Variants in SFMBT2 observed in about 807,000 individuals in gnomAD.
SFMBT2 encodes Scm like with four mbt domains 2.
A neutral mutation model predicts 110.1 loss-of-function variants in SFMBT2; 38 were observed. The observed-to-expected ratio is 0.35, with a 90% confidence interval of 0.27 to 0.45. The LOEUF is 0.45. Among genes scored for constraint, SFMBT2 ranks in the 20% least tolerant of loss-of-function variants. The pLI is 1.00. For synonymous variants in SFMBT2, 425 were observed against 425.4 expected, an observed-to-expected ratio of 1.00 and a Z score of 0.01; for missense variants, 1,011 against 1,094.9, an observed-to-expected ratio of 0.92 and a Z score of 1.08.
intron 1 of SFMBT2, among the ~76,000 whole-genome samples, chr10:7,401,769 T>C (rs1451156950): frequency 6.6e-6 from 1 of 152,186 alleles, no homozygotes; most frequent in Non-Finnish European, 1.5e-5. Flanking sequence ...ATGCAAACAC[T>C]ACCATCATCC....
At chr10:7,386,872 A>G (rs141138947) in intron 1 of SFMBT2, among the ~76,000 whole-genome samples, 96 of 152,318 alleles carry the variant, frequency 6.3e-4, no homozygotes, top group African/African-American at 2.2e-3. Context: ...TACTGTTCCC[A>G]TCTTACAGAT....
At chr10:7,224,167 T>C (rs1839833504) in intron 10 of SFMBT2, among the ~76,000 whole-genome samples, 1 of 152,232 alleles carries the variant, frequency 6.6e-6, no homozygotes, top group Non-Finnish European at 1.5e-5. Context: ...GTGGCGACTC[T>C]GGATTACGTT....
At chr10:7,339,857 T>C (rs1183122483) in intron 4 of SFMBT2, among the ~76,000 whole-genome samples, 2 of 152,190 alleles carry the variant, frequency 1.3e-5, no homozygotes, top group African/African-American at 4.8e-5. Flanking sequence ...CTCATGATAA[T>C]GCCTAGACCG....
At chr10:7,350,770 C>T (rs1214948884) in intron 4 of SFMBT2, among the ~76,000 whole-genome samples, 3 of 152,230 alleles carry the variant, frequency 2.0e-5, no homozygotes. Context: ...GTTTTTCCTC[C>T]TGTGCAAATC....
In SFMBT2 at chr10:7,338,870, C is replaced by T. The variant is rs147615422; in HGVS notation, c.436+28779G>A. Among the ~76,000 whole-genome samples the T allele has an allele frequency of 5.8e-3, 887 of 152,298 alleles. 6 individuals carry two copies. Among genetic ancestry groups the T allele is most frequent in the African/African-American group, 0.019 (809 of 41,560 alleles). On this transcript the variant is annotated intron_variant, in intron 4 of 20. Coordinates refer to ENST00000397167, the MANE Select transcript of SFMBT2 (RefSeq NM_001387889.1). ...CAGGTTATTTTGTCTCTCAATGTTA[C>T]AACCAACAGGCTCTTCAGGGTAATG...
intron 4 of SFMBT2, among the ~76,000 whole-genome samples, chr10:7,300,638 T>A (rs1401615627): frequency 5.9e-5 from 9 of 152,228 alleles, no homozygotes; most frequent in Admixed American, 4.6e-4. Flanking sequence ...CTACCGCTTC[T>A]GACAGCCCAC....
chr10:7,168,169 G>A (rs930692987), intron 20 of SFMBT2, among the ~76,000 whole-genome samples: 42 of 152,036 alleles, frequency 2.8e-4, no homozygotes, highest in African/African-American at 1.0e-3. Flanking sequence ...ACTTTTCTCT[G>A]GTGTTATCAA....
rs1039788543 is a variant in SFMBT2 at position 7,285,740 on chromosome 10, T to C, written c.525+126A>G. ...CAGGACAAAAGAGGAAGGGAGGCTA[T>C]TTGGATGGCAGTGTCTGCAGAAAGC... On this transcript the variant is annotated intron_variant, in intron 5 of 20. Coordinates refer to ENST00000397167, the MANE Select transcript of SFMBT2 (RefSeq NM_001387889.1). 1.3e-5 allele frequency: 9 copies of C among 676,276 alleles called. No individual in the cohort carries two copies. In the East Asian group the frequency reaches 2.1e-4, roughly 16 times the overall value. 41.9% of individuals were successfully genotyped at this position (676,276 alleles called of 1,614,324 possible).
intron 4 of SFMBT2, among the ~76,000 whole-genome samples, chr10:7,299,289 G>GT (rs1311106298): frequency 6.6e-6 from 1 of 152,028 alleles, no homozygotes; most frequent in Non-Finnish European, 1.5e-5. Context: ...TATCATAAGA[G>GT]TAAAGAGGCA....
At chr10:7,304,110 A>G (rs1466752318) in intron 4 of SFMBT2, among the ~76,000 whole-genome samples, 1 of 152,182 alleles carries the variant, frequency 6.6e-6, no homozygotes, top group Non-Finnish European at 1.5e-5. Flanking sequence ...ACTCACTGAC[A>G]TGGTTTGGCT....
chr10:7,407,281 T>G (rs1846246970), intron 1 of SFMBT2, among the ~76,000 whole-genome samples: 1 of 132,654 alleles, frequency 7.5e-6, no homozygotes, highest in Non-Finnish European at 1.6e-5. Context: ...CGAGGCCACA[T>G]TTAAGCCTGT....
rs1195274002 is a variant in SFMBT2, at chr10:7,301,766, G to A, written c.437-15812C>T. Among the ~76,000 whole-genome samples the A allele has an allele frequency of 6.6e-6, 1 of 152,172 alleles. No homozygotes were observed. The highest frequency in any genetic ancestry group is 2.4e-5 in the African/African-American group (1 of 41,446). On this transcript the variant is annotated intron_variant, in intron 4 of 20. Coordinates refer to ENST00000397167, the MANE Select transcript of SFMBT2 (RefSeq NM_001387889.1). The surrounding 1 kb of genome is among the most constrained non-coding windows in gnomAD (Gnocchi z 4.2). ...AGCCACGCCTCTCTACAGATGCTAG[G>A]AGTCCCCATTCCAGCCTTTCCTGGT...
At chr10:7,279,806 A>G (rs112357465) in intron 6 of SFMBT2, among the ~76,000 whole-genome samples, 2,661 of 152,282 alleles carry the variant, frequency 0.017, 67 homozygotes, top group African/African-American at 0.061. Flanking sequence ...TCATCAATAA[A>G]CAAAGACCTA....
intron 4 of SFMBT2, among the ~76,000 whole-genome samples, chr10:7,308,112 C>A (rs989721591): frequency 6.6e-6 from 1 of 152,176 alleles, no homozygotes; most frequent in African/African-American, 2.4e-5. Flanking sequence ...GCCTGAGACT[C>A]AGGAGGCTGA....
intron 7 of SFMBT2, among the ~76,000 whole-genome samples, chr10:7,262,121 G>A (rs1289257659): frequency 6.6e-6 from 1 of 151,998 alleles, no homozygotes; most frequent in East Asian, 1.9e-4. Flanking sequence ...AAAGAGAGAA[G>A]CTCAAACTTC....
At chr10:7,248,085 T>C (rs1222653687) in intron 8 of SFMBT2, among the ~76,000 whole-genome samples, 1 of 152,232 alleles carries the variant, frequency 6.6e-6, no homozygotes, top group Non-Finnish European at 1.5e-5. Flanking sequence ...AATTTTATTG[T>C]GAATCTGTAG....
At chr10:7,385,127 T>G (rs554166210) in intron 1 of SFMBT2, among the ~76,000 whole-genome samples, 1 of 152,330 alleles carries the variant, frequency 6.6e-6, no homozygotes, top group African/African-American at 2.4e-5. Flanking sequence ...TACTTGTTGA[T>G]AAGCAAGTGT....
At position 7,240,528 on chromosome 10, in the gene SFMBT2, A is replaced by G. The variant is rs557680164; in HGVS notation, c.1120+3030T>C. ...TATAACTTAAGGGGAAATTTCCAGA[A>G]GTGGAATTACTGAGTCAGTGGGAAA... is the stretch of plus-strand genomic sequence containing the variant. On this transcript the variant is annotated intron_variant, in intron 9 of 20. Transcript: ENST00000397167. Among the ~76,000 whole-genome samples, 9 of 152,344 alleles carry G rather than the reference A, an allele frequency of 5.9e-5. No individual in the cohort carries two copies. In the South Asian group the frequency reaches 1.9e-3, roughly 32 times the overall value.
At chr10:7,343,141 G>C (rs901236674) in intron 4 of SFMBT2, among the ~76,000 whole-genome samples, 8 of 151,490 alleles carry the variant, frequency 5.3e-5, no homozygotes, top group African/African-American at 1.9e-4. Context: ...TGCAGCATCT[G>C]GTTTTCTGTT....
Sources: gnomAD v4.1 joint callset for allele counts (sites outside exome capture counted in the v4.1 genomes callset) on GRCh38, gnomAD v4.1.1 for gene constraint, Gnocchi (gnomAD v3.1) non-coding constraint, MANE v1.5 for transcripts, NCBI Gene and HGNC (gene_info 2026-07-23, HGNC 2026-07-21) for gene names.